The following LOC400499 variants were observed in gnomAD, a reference collection of about 807,000 sequenced individuals.
the LOC400499 span, chr16:11,425,318 G>C: frequency 2.5e-6 from 1 of 399,154 alleles, no homozygotes; most frequent in Non-Finnish European, 4.4e-6. Flanking sequence ...CCTGGCTGCT[G>C]TTCTGGGCAA....
chr16:11,410,878 T>C, the LOC400499 span, among the ~76,000 whole-genome samples: 1 of 152,240 alleles, frequency 6.6e-6, no homozygotes, highest in African/African-American at 2.4e-5. Flanking sequence ...AAGTCCTGCA[T>C]GCAGGGCAGA....
chr16:11,459,835 C>T, the LOC400499 span: 1 of 1,259,384 alleles, frequency 7.9e-7, no homozygotes. Context: ...GGGGGTTCCC[C>T]AGCTCCTACC....
the LOC400499 span, among the ~76,000 whole-genome samples, chr16:11,375,950 G>A: frequency 6.6e-6 from 1 of 152,090 alleles, no homozygotes; most frequent in East Asian, 1.9e-4. Flanking sequence ...ACATGTTGAG[G>A]CTGGTCTCGA....
the LOC400499 span, chr16:11,469,779 C>T: frequency 2.5e-6 from 1 of 397,710 alleles, no homozygotes; most frequent in African/African-American, 2.1e-5. Flanking sequence ...TGAAAACTGC[C>T]TGCAGAATTG....
the LOC400499 span, among the ~76,000 whole-genome samples, chr16:11,527,459 C>G: frequency 6.6e-6 from 1 of 152,184 alleles, no homozygotes; most frequent in African/African-American, 2.4e-5. Flanking sequence ...CTTGACTACT[C>G]TCCTAGCCTT....
the LOC400499 span, among the ~76,000 whole-genome samples, chr16:11,517,919 G>A: frequency 3.9e-5 from 6 of 152,322 alleles, no homozygotes; most frequent in African/African-American, 1.4e-4. Context: ...AAACCCTGGG[G>A]AACAGATATG....
At chr16:11,516,894 G>C in the LOC400499 span, among the ~76,000 whole-genome samples, 3 of 152,178 alleles carry the variant, frequency 2.0e-5, no homozygotes, top group African/African-American at 7.2e-5. Flanking sequence ...CAATCCTCCA[G>C]CCTCAGCCTC....
the LOC400499 span, among the ~76,000 whole-genome samples, chr16:11,512,421 G>C: frequency 2.6e-5 from 4 of 151,968 alleles, no homozygotes; most frequent in Non-Finnish European, 4.4e-5. Flanking sequence ...TGGCCAACAT[G>C]GGGAAACCCC....
the LOC400499 span, among the ~76,000 whole-genome samples, chr16:11,375,747 T>TTTTTTGG: frequency 6.6e-6 from 1 of 151,108 alleles, no homozygotes; most frequent in African/African-American, 2.4e-5. Context: ...TTTTTTTTTT[T>TTTTTTGG]GAGATGGAGT....
the LOC400499 span, among the ~76,000 whole-genome samples, chr16:11,524,786 C>T: frequency 6.8e-6 from 1 of 146,618 alleles, no homozygotes; most frequent in Non-Finnish European, 1.5e-5. Context: ...CTGCCACCTA[C>T]TTTCAAACCT....
the LOC400499 span, among the ~76,000 whole-genome samples, chr16:11,426,220 G>C: frequency 6.6e-6 from 1 of 151,992 alleles, no homozygotes; most frequent in East Asian, 1.9e-4. Context: ...CAGATCACTT[G>C]AGGTCAGGAG....
At chr16:11,482,103 G>C in the LOC400499 span, among the ~76,000 whole-genome samples, 60 of 152,308 alleles carry the variant, frequency 3.9e-4, no homozygotes, top group Middle Eastern at 3.4e-3. Flanking sequence ...CTCCCACGTG[G>C]AGCAGCTGGT....
the LOC400499 span, among the ~76,000 whole-genome samples, chr16:11,410,860 G>A: frequency 6.6e-6 from 1 of 152,230 alleles, no homozygotes; most frequent in Non-Finnish European, 1.5e-5. Flanking sequence ...GCACTCCTAC[G>A]ACCCCTCAAG....
At chr16:11,461,221 G>A in the LOC400499 span, 3 of 1,398,246 alleles carry the variant, frequency 2.1e-6, no homozygotes, top group East Asian at 2.5e-5. Context: ...AGGGGCCTTG[G>A]GGTTGGGGGC....
chr16:11,401,686 G>A, the LOC400499 span, among the ~76,000 whole-genome samples: 2 of 152,218 alleles, frequency 1.3e-5, no homozygotes, highest in Non-Finnish European at 2.9e-5. Flanking sequence ...CTGTGGCCCC[G>A]GGCAGGTCAC....
the LOC400499 span, among the ~76,000 whole-genome samples, chr16:11,463,793 G>A: frequency 6.6e-6 from 1 of 152,076 alleles, no homozygotes. Flanking sequence ...GTCTACATAT[G>A]GATGTTTGTG....
chr16:11,427,513 TG>T, the LOC400499 span, among the ~76,000 whole-genome samples: 1 of 151,976 alleles, frequency 6.6e-6, no homozygotes, highest in Non-Finnish European at 1.5e-5. Context: ...GCCACAATCA[TG>T]GCTCACTGCA....
chr16:11,468,426 C>G, the LOC400499 span, among the ~76,000 whole-genome samples: 1 of 151,962 alleles, frequency 6.6e-6, no homozygotes, highest in Non-Finnish European at 1.5e-5. Context: ...TGGGCTCCAG[C>G]AATCCTCTTG....
At chr16:11,390,458 G>T in the LOC400499 span, 1 of 1,243,138 alleles carries the variant, frequency 8.0e-7, no homozygotes, top group African/African-American at 1.5e-5. Flanking sequence ...AGTGTGGCCA[G>T]GGGCCCTGCA....
Sources: gnomAD v4.1 joint callset for allele counts (sites outside exome capture counted in the v4.1 genomes callset) on GRCh38, gnomAD v4.1.1 for gene constraint, MANE v1.5 for transcripts.